The following NCOA2 variants were observed in gnomAD, a reference collection of about 807,000 sequenced individuals.
NCOA2 encodes nuclear receptor coactivator 2.
Under a neutral mutation model 145.1 loss-of-function variants are expected in NCOA2, and 21 were observed. The ratio of observed to expected loss-of-function variants is 0.14; its 90% CI spans 0.10 to 0.21. The LOEUF is 0.21. NCOA2 is among the 10% of genes least tolerant of loss of function. The pLI, the probability that NCOA2 is intolerant of heterozygous loss-of-function variation, is 1.00. For synonymous variants in NCOA2, 619 were observed against 637.5 expected (o/e 0.97, Z 0.44); for missense variants, 1,472 against 1,837.6 (o/e 0.80, Z 3.64).
chr8:70,189,428 C>G lies in NCOA2; in HGVS notation c.260-14569G>C, dbSNP rs528663702. ...CCCTCAAGATTGTCCAGTCTCTGAG[C>G]CAGAAATTCCATTTTTCATCTGTGT... On this transcript the variant is annotated intron_variant, in intron 4 of 22. Transcript: ENST00000452400. Among the ~76,000 whole-genome samples, 6 of 152,258 alleles carry G rather than the reference C, an allele frequency of 3.9e-5. No homozygotes were observed. In the South Asian group the frequency reaches 1.2e-3, roughly 32 times the overall value.
At chr8:70,439,703 A>C in the NCOA2 span, among the ~76,000 whole-genome samples, 1 of 152,174 alleles carries the variant, frequency 6.6e-6, no homozygotes, top group Non-Finnish European at 1.5e-5. Flanking sequence ...CTTCCAACCC[A>C]GATGCCCACC....
At chr8:70,359,535 AT>A (rs1249683646) in intron 1 of NCOA2, among the ~76,000 whole-genome samples, 5 of 152,192 alleles carry the variant, frequency 3.3e-5, no homozygotes, top group African/African-American at 1.2e-4. Context: ...CAACATGCAG[AT>A]TAGTGGTTGC....
intron 2 of NCOA2, among the ~76,000 whole-genome samples, chr8:70,223,845 C>T (rs1431227146): frequency 6.6e-6 from 1 of 152,146 alleles, no homozygotes; most frequent in African/African-American, 2.4e-5. Context: ...ATTAAAGGGT[C>T]CTATACTTTG....
chr8:70,368,094 A>T (rs1021734158), intron 1 of NCOA2, among the ~76,000 whole-genome samples: 7 of 152,258 alleles, frequency 4.6e-5, no homozygotes, highest in African/African-American at 1.7e-4. Context: ...TTAGAAGACA[A>T]TGCAAAGTAT....
chr8:70,264,496 TAAC>T (rs200707113), intron 2 of NCOA2, among the ~76,000 whole-genome samples: 19 of 152,036 alleles, frequency 1.2e-4, no homozygotes, highest in South Asian at 2.1e-4. Flanking sequence ...CTCCATCTCT[TAAC>T]AACAACAACA....
At chr8:70,222,010 G>A (rs1276054056) in intron 2 of NCOA2, among the ~76,000 whole-genome samples, 2 of 151,252 alleles carry the variant, frequency 1.3e-5, no homozygotes, top group African/African-American at 4.9e-5. Flanking sequence ...TCATCTTTAC[G>A]TAATACTGTA....
At chr8:70,338,098 T>C (rs186454237) in intron 1 of NCOA2, among the ~76,000 whole-genome samples, 38 of 151,562 alleles carry the variant, frequency 2.5e-4, no homozygotes, top group African/African-American at 5.3e-4. Context: ...CAGAGCTCAA[T>C]TGAAGGAGAT....
chr8:70,159,660 C>T lies in NCOA2; in HGVS notation c.977-8G>A. Reference sequence around the variant, plus strand: ...CCAATCCTTGTCTCAGTACTGCAGGCAAGCAAGGAAACAGAAGGCACGTTT... The same window carrying T: ...CCAATCCTTGTCTCAGTACTGCAGGTAAGCAAGGAAACAGAAGGCACGTTT... On this transcript the variant is annotated splice_region_variant and splice_polypyrimidine_tract_variant and intron_variant, in intron 9 of 22. Coordinates refer to ENST00000452400, the MANE Select transcript of NCOA2 (RefSeq NM_006540.4). 6.3e-7 allele frequency: 1 copy of T among 1,599,608 alleles called. No individual in the cohort carries two copies. The highest frequency in any genetic ancestry group is 1.1e-5 in the South Asian group (1 of 89,892).
At chr8:70,384,361 CCA>C (rs1812482685) in intron 1 of NCOA2, among the ~76,000 whole-genome samples, 1 of 151,926 alleles carries the variant, frequency 6.6e-6, no homozygotes. Context: ...GTATATTAAG[CCA>C]CAGTCTGAAC....
chr8:70,425,792 C>T, the NCOA2 span, among the ~76,000 whole-genome samples: 1 of 152,122 alleles, frequency 6.6e-6, no homozygotes, highest in African/African-American at 2.4e-5. Context: ...AAACCCCATA[C>T]CCTCCCCACT....
intron 1 of NCOA2, among the ~76,000 whole-genome samples, chr8:70,340,029 G>C (rs1385399268): frequency 6.6e-6 from 1 of 152,060 alleles, no homozygotes; most frequent in Admixed American, 6.5e-5. Flanking sequence ...CATAAGCATG[G>C]GCAAAGATTT....
chr8:70,187,576 TATGG>T (rs1258432299), intron 4 of NCOA2, among the ~76,000 whole-genome samples: 1 of 152,216 alleles, frequency 6.6e-6, no homozygotes, highest in African/African-American at 2.4e-5. Flanking sequence ...GCACCATGGC[TATGG>T]ATGGATAAGT....
At chr8:70,332,047 G>A (rs117488509) in intron 1 of NCOA2, among the ~76,000 whole-genome samples, 16 of 152,196 alleles carry the variant, frequency 1.1e-4, no homozygotes, top group Non-Finnish European at 1.8e-4. Context: ...GTCACTATGC[G>A]ATGAGAGAAG....
At chr8:70,380,578 T>A (rs1812096594) in intron 1 of NCOA2, among the ~76,000 whole-genome samples, 1 of 152,110 alleles carries the variant, frequency 6.6e-6, no homozygotes, top group African/African-American at 2.4e-5. Flanking sequence ...CTTAGAACTG[T>A]GTGTGTTTAT....
chr8:70,225,537 A>G (rs1820548429), intron 2 of NCOA2, among the ~76,000 whole-genome samples: 1 of 150,676 alleles, frequency 6.6e-6, no homozygotes, highest in African/African-American at 2.5e-5. Flanking sequence ...CGACAGAGTG[A>G]GACTCTGTCT....
chr8:70,174,975 C>T, intron 4 of NCOA2, 116 bp from the exon 5 acceptor site: 2 of 905,722 alleles, frequency 2.2e-6, no homozygotes, highest in Admixed American at 1.9e-5. Flanking sequence ...GATGCAGCTA[C>T]AAAAGAGTTA....
At chr8:70,379,226 A>T (rs781574180) in intron 1 of NCOA2, among the ~76,000 whole-genome samples, 10 of 152,204 alleles carry the variant, frequency 6.6e-5, no homozygotes, top group Non-Finnish European at 1.2e-4. Flanking sequence ...TTTCTAAAAG[A>T]TTTGGGTAAA....
At chr8:70,173,196 C>T (rs1814444159) in intron 5 of NCOA2, among the ~76,000 whole-genome samples, 1 of 152,194 alleles carries the variant, frequency 6.6e-6, no homozygotes, top group Admixed American at 6.6e-5. Flanking sequence ...CTACTGACAT[C>T]TAGCAATCTG....
chr8:70,315,541 A>T (rs999371600), intron 1 of NCOA2, among the ~76,000 whole-genome samples: 3 of 152,198 alleles, frequency 2.0e-5, no homozygotes, highest in African/African-American at 7.2e-5. Context: ...ACTACACAAG[A>T]CAAAGGGGAA....
Sources: gnomAD v4.1 joint callset for allele counts (sites outside exome capture counted in the v4.1 genomes callset) on GRCh38, gnomAD v4.1.1 for gene constraint, MANE v1.5 for transcripts, NCBI Gene and HGNC (gene_info 2026-07-23, HGNC 2026-07-21) for gene names.